Variants in PLPPR5 observed in about 807,000 individuals in gnomAD.
PLPPR5 encodes phospholipid phosphatase related 5.
Under a neutral mutation model 33.9 loss-of-function variants are expected in PLPPR5, and 16 were observed. That is an observed-to-expected ratio of 0.47 (90% CI 0.32 to 0.72). PLPPR5 has a LOEUF of 0.72. Ranked by LOEUF, PLPPR5 falls within the 30% of genes least tolerant of loss-of-function variation. PLPPR5 has a pLI of 0.03. For missense variants in PLPPR5, 301 were observed against 406.7 expected, an observed-to-expected ratio of 0.74 and a Z score of 2.23; for synonymous variants, 163 against 150.3, an observed-to-expected ratio of 1.08 and a Z score of -0.62.
In PLPPR5 at chr1:98,890,679, T is replaced by A. The variant is rs149168208; in HGVS notation, c.*2393A>T. 6.5e-6 allele frequency: 1 copy of A among 152,696 alleles called. No individual in the cohort carries two copies. The highest frequency in any genetic ancestry group is 1.5e-5 in the Non-Finnish European group (1 of 67,996). The allele number at this position is 152,696 out of a possible 1,614,324, so 9.5% of individuals were successfully genotyped here. A position where few individuals can be genotyped will look rare whatever the true frequency, so the allele number is the denominator to read the frequency against. On this transcript the variant is annotated 3_prime_UTR_variant, in exon 6 of 6. Coordinates refer to ENST00000263177, the MANE Select transcript of PLPPR5 (RefSeq NM_001037317.2). ...CATGGTAATATTTTCTGAAATATGA[T>A]TTTCATTATTCTCAGTAACAGCATC...
intron 5 of PLPPR5, among the ~76,000 whole-genome samples, chr1:98,903,673 G>A (rs920204957): frequency 3.3e-5 from 5 of 152,020 alleles, no homozygotes; most frequent in African/African-American, 7.2e-5. Flanking sequence ...TGATTGTTGC[G>A]GGAGGGAACT....
At chr1:98,965,736 G>C (rs1180153070) in intron 1 of PLPPR5, among the ~76,000 whole-genome samples, 1 of 152,160 alleles carries the variant, frequency 6.6e-6, no homozygotes. Flanking sequence ...ACTCCAAATA[G>C]CTCTATGTTT....
intron 1 of PLPPR5, among the ~76,000 whole-genome samples, chr1:99,000,149 C>T (rs1224034509): frequency 6.6e-6 from 1 of 152,122 alleles, no homozygotes; most frequent in African/African-American, 2.4e-5. Flanking sequence ...AGTGCTCTGG[C>T]AAATGCTATA....
intron 5 of PLPPR5, among the ~76,000 whole-genome samples, chr1:98,909,225 C>T (rs1305924580): frequency 1.6e-5 from 2 of 125,420 alleles, no homozygotes; most frequent in African/African-American, 6.1e-5. Flanking sequence ...CCTCCCCTCC[C>T]TTCCCTTCCC....
chr1:98,975,219 T>C (rs1213403664), intron 1 of PLPPR5, among the ~76,000 whole-genome samples: 1 of 152,082 alleles, frequency 6.6e-6, no homozygotes, highest in Admixed American at 6.6e-5. Context: ...CTTGCTGACT[T>C]AATTCATCTC....
chr1:98,985,561 T>C (rs1454478549), intron 1 of PLPPR5, among the ~76,000 whole-genome samples: 1 of 152,058 alleles, frequency 6.6e-6, no homozygotes, highest in East Asian at 1.9e-4. Flanking sequence ...TCACATTCAC[T>C]CGTCTCACTC....
In PLPPR5 at chr1:98,935,869, ACT is replaced by A. The variant is rs1650152939; in HGVS notation, c.622-13813_622-13812del. Reference sequence around the variant, plus strand: ...GAACCATGCTGGAAATCAAAATCCCACTCTCTTCCAAAAAACTACAGAGACAT... The same window carrying A: ...GAACCATGCTGGAAATCAAAATCCCACTCTTCCAAAAAACTACAGAGACAT... On this transcript the variant is annotated intron_variant, in intron 3 of 5. Transcript: ENST00000263177. Among the ~76,000 whole-genome samples the A allele has an allele frequency of 3.3e-5, 5 of 152,024 alleles. 1 individual carries two copies. The highest frequency in any genetic ancestry group is 3.3e-4 in the Admixed American group (5 of 15,266).
intron 1 of PLPPR5, among the ~76,000 whole-genome samples, chr1:98,968,214 T>C (rs1258747784): frequency 2.0e-5 from 3 of 152,144 alleles, no homozygotes; most frequent in East Asian, 1.9e-4. Flanking sequence ...TATATACTTA[T>C]AGTTTGTTTT....
At chr1:98,935,204 G>A (rs1455101005) in intron 3 of PLPPR5, among the ~76,000 whole-genome samples, 4 of 152,146 alleles carry the variant, frequency 2.6e-5, no homozygotes, top group African/African-American at 9.7e-5. Flanking sequence ...GCCAAGTGCT[G>A]GAGACAGGAC....
At chr1:98,894,172 T>A (rs1416631365) in intron 5 of PLPPR5, among the ~76,000 whole-genome samples, 2 of 152,020 alleles carry the variant, frequency 1.3e-5, no homozygotes, top group Non-Finnish European at 1.5e-5. Context: ...ACAAAATTAG[T>A]ACGAATCAGG....
chr1:99,001,065 A>C (rs1423483047), intron 1 of PLPPR5, among the ~76,000 whole-genome samples: 1 of 152,116 alleles, frequency 6.6e-6, no homozygotes, highest in Non-Finnish European at 1.5e-5. Context: ...CCTTGTCAAT[A>C]AGGGAATTGA....
At chr1:98,923,025 A>C (rs999856229) in intron 3 of PLPPR5, among the ~76,000 whole-genome samples, 55 of 152,154 alleles carry the variant, frequency 3.6e-4, no homozygotes, top group African/African-American at 1.3e-3. Context: ...TAAGTACGAT[A>C]AGGGAAATGT....
chr1:98,900,313 C>T (rs1271209022), intron 5 of PLPPR5, among the ~76,000 whole-genome samples: 1 of 152,088 alleles, frequency 6.6e-6, no homozygotes, highest in Non-Finnish European at 1.5e-5. Flanking sequence ...CTGGACCATT[C>T]TTCTCTCTTG....
intron 3 of PLPPR5, among the ~76,000 whole-genome samples, chr1:98,943,467 C>G (rs1650451783): frequency 6.6e-6 from 1 of 152,140 alleles, no homozygotes; most frequent in Non-Finnish European, 1.5e-5. Flanking sequence ...TCATCACGGT[C>G]CCCTGTTAGA....
intron 5 of PLPPR5, among the ~76,000 whole-genome samples, chr1:98,898,347 C>T (rs1341645481): frequency 2.6e-5 from 4 of 152,134 alleles, no homozygotes; most frequent in Non-Finnish European, 5.9e-5. Flanking sequence ...TCTGACATAG[C>T]CTACATTGCA....
intron 3 of PLPPR5, among the ~76,000 whole-genome samples, chr1:98,927,386 G>T (rs1649807648): frequency 1.3e-5 from 2 of 152,228 alleles, no homozygotes; most frequent in Admixed American, 1.3e-4. Flanking sequence ...ACTGCCAGGT[G>T]TGTATCCCAC....
chr1:98,951,523 A>G (rs535031860), intron 3 of PLPPR5, among the ~76,000 whole-genome samples: 1 of 152,346 alleles, frequency 6.6e-6, no homozygotes, highest in African/African-American at 2.4e-5. Context: ...TTGACTCCAT[A>G]AAAAGTTTCT....
At chr1:98,997,124 A>C (rs1442611758) in intron 1 of PLPPR5, among the ~76,000 whole-genome samples, 1 of 152,206 alleles carries the variant, frequency 6.6e-6, no homozygotes, top group Non-Finnish European at 1.5e-5. Context: ...CTGCATTATC[A>C]ATAAAAATTA....
At chr1:98,969,710 A>G (rs1651589063) in intron 1 of PLPPR5, among the ~76,000 whole-genome samples, 1 of 143,232 alleles carries the variant, frequency 7.0e-6, no homozygotes, top group African/African-American at 2.7e-5. Context: ...GCAAACAGTA[A>G]ATTCTACCTC....
Sources: gnomAD v4.1 joint callset for allele counts (sites outside exome capture counted in the v4.1 genomes callset) on GRCh38, gnomAD v4.1.1 for gene constraint, MANE v1.5 for transcripts, NCBI Gene and HGNC (gene_info 2026-07-23, HGNC 2026-07-21) for gene names.